SLC24A3: variants seen among roughly 807,000 people sequenced by gnomAD.
SLC24A3 encodes solute carrier family 24 member 3.
SLC24A3 carries 28 observed loss-of-function variants against 75.8 expected under a neutral mutation model. That is an observed-to-expected ratio of 0.37 (90% confidence interval 0.27 to 0.51). SLC24A3 has a LOEUF of 0.51. SLC24A3 is among the 20% of genes least tolerant of loss of function. The pLI is 0.94. For missense variants in SLC24A3, 663 were observed against 847.8 expected (o/e 0.78, Z 2.71); for synonymous variants, 372 against 334.1 (o/e 1.11, Z -1.24).
At chr20:19,453,497 A>T (rs1238288401) in intron 2 of SLC24A3, among the ~76,000 whole-genome samples, 2 of 152,200 alleles carry the variant, frequency 1.3e-5, no homozygotes, top group African/African-American at 4.8e-5. Context: ...TAACCACCAG[A>T]GTCTCTTGGG....
chr20:19,212,683 CGAG>C lies in SLC24A3; in HGVS notation c.-151_-149del, dbSNP rs1013018940. The C allele has an allele frequency of 1.1e-5, 4 of 375,216 alleles. No homozygotes were observed. Among genetic ancestry groups the C allele is most frequent in the African/African-American group, 4.4e-5 (2 of 45,226 alleles). 23.2% of individuals were successfully genotyped at this position (375,216 alleles called of 1,614,324 possible). A position where few individuals can be genotyped will look rare whatever the true frequency, so the allele number is the denominator to read the frequency against. On this transcript the variant is annotated 5_prime_UTR_variant, in exon 1 of 17. Coordinates refer to ENST00000328041, the MANE Select transcript of SLC24A3 (RefSeq NM_020689.4). ...GCGACGACGAGGAGACGGGCAGCGG[CGAG>C]GAGGAGGAAGAGGAGGCGGAGGCGG...
intron 15 of SLC24A3, among the ~76,000 whole-genome samples, chr20:19,699,913 A>G (rs964674832): frequency 2.0e-5 from 3 of 152,194 alleles, no homozygotes; most frequent in African/African-American, 7.2e-5. Flanking sequence ...CATAGATACC[A>G]GGTAGACATT....
At chr20:19,384,860 G>A (rs1986245612) in intron 2 of SLC24A3, among the ~76,000 whole-genome samples, 1 of 152,014 alleles carries the variant, frequency 6.6e-6, no homozygotes, top group Non-Finnish European at 1.5e-5. Flanking sequence ...TTGTCTTTTT[G>A]TGAATAATCA....
intron 1 of SLC24A3, among the ~76,000 whole-genome samples, chr20:19,257,313 G>C (rs1359678632): frequency 6.6e-6 from 1 of 152,210 alleles, no homozygotes; most frequent in Non-Finnish European, 1.5e-5. Flanking sequence ...AGCCTGAACA[G>C]CGGTTTCCTT....
chr20:19,540,546 C>T lies in SLC24A3; in HGVS notation c.348+24982C>T, dbSNP rs143998743. Reference sequence around the variant, plus strand: ...GGCTCGCAGAGGCCAGTAACACCCACTCCCCTGCATCATAAGTTCCAAACA... The same window carrying T: ...GGCTCGCAGAGGCCAGTAACACCCATTCCCCTGCATCATAAGTTCCAAACA... On this transcript the variant is annotated intron_variant, in intron 3 of 16. Transcript: ENST00000328041. Among the ~76,000 whole-genome samples the T allele has an allele frequency of 3.9e-3, 595 of 152,344 alleles. 8 individuals are homozygous for T. The highest frequency in any genetic ancestry group is 0.019 in the South Asian group (91 of 4,824).
chr20:19,444,665 T>C (rs1987350700), intron 2 of SLC24A3, among the ~76,000 whole-genome samples: 1 of 152,198 alleles, frequency 6.6e-6, no homozygotes, highest in South Asian at 2.1e-4. Context: ...TAAGTAGTGA[T>C]GGTCCCACTT....
At chr20:19,459,461 C>A (rs111811499) in intron 2 of SLC24A3, among the ~76,000 whole-genome samples, 2,487 of 152,214 alleles carry the variant, frequency 0.016, 69 homozygotes, top group East Asian at 0.1. Flanking sequence ...GTGGAAGGAA[C>A]AGGAACTTGG....
At chr20:19,284,492 A>G (rs1235200313) in intron 2 of SLC24A3, 1 of 152,656 alleles carries the variant, frequency 6.6e-6, no homozygotes, top group Non-Finnish European at 1.5e-5. Context: ...TGATGATGTC[A>G]GCGGCAGCAG....
At chr20:19,488,026 A>G (rs1277146052) in intron 2 of SLC24A3, among the ~76,000 whole-genome samples, 1 of 152,224 alleles carries the variant, frequency 6.6e-6, no homozygotes, top group Non-Finnish European at 1.5e-5. Context: ...TGTTGATGTT[A>G]CCACATCCCA....
chr20:19,717,190 C>T (rs560414151), intron 15 of SLC24A3, among the ~76,000 whole-genome samples: 18 of 152,302 alleles, frequency 1.2e-4, no homozygotes, highest in Admixed American at 9.2e-4. Flanking sequence ...TAAAGGAACA[C>T]GTGGACAGGG....
chr20:19,538,951 C>T (rs2122585068), intron 3 of SLC24A3, among the ~76,000 whole-genome samples: 1 of 152,316 alleles, frequency 6.6e-6, no homozygotes, highest in Admixed American at 6.5e-5. Context: ...TCCACAACTG[C>T]ATACAACAAC....
chr20:19,707,822 C>T (rs751412833), intron 15 of SLC24A3, among the ~76,000 whole-genome samples: 1 of 152,074 alleles, frequency 6.6e-6, no homozygotes, highest in Non-Finnish European at 1.5e-5. Context: ...CCATTTAGGA[C>T]AAATAAAGTT....
chr20:19,619,254 T>C (rs943237315), intron 6 of SLC24A3, among the ~76,000 whole-genome samples: 1 of 152,124 alleles, frequency 6.6e-6, no homozygotes, highest in African/African-American at 2.4e-5. Flanking sequence ...CTCTCTCTTT[T>C]TCTTGGGACA....
intron 4 of SLC24A3, among the ~76,000 whole-genome samples, chr20:19,584,022 G>A (rs1055758106): frequency 6.6e-6 from 1 of 152,216 alleles, no homozygotes; most frequent in African/African-American, 2.4e-5. Context: ...TGCAGCTGTA[G>A]GTGCCACTGG....
intron 2 of SLC24A3, among the ~76,000 whole-genome samples, chr20:19,355,356 A>G (rs7274742): frequency 0.11 from 17,199 of 152,238 alleles, 2,606 homozygotes; most frequent in African/African-American, 0.35. Context: ...AAAAAATGAG[A>G]CAGAAAGAAG....
At chr20:19,609,737 A>T (rs558459103) in intron 6 of SLC24A3, among the ~76,000 whole-genome samples, 1 of 152,346 alleles carries the variant, frequency 6.6e-6, no homozygotes, top group South Asian at 2.1e-4. Flanking sequence ...CATTTCAGGT[A>T]GTTTACCTGA....
In SLC24A3 at chr20:19,680,337, T is replaced by A. The variant is rs374218923; in HGVS notation, c.768-1521T>A. Among the ~76,000 whole-genome samples, 8 of 152,312 alleles carry A rather than the reference T, an allele frequency of 5.3e-5. No homozygotes were observed. The East Asian group carries it at 1.5e-3, about 29-fold the overall frequency. ...CCTTGGCCTATGTGTTTCCTATATG[T>A]CTGTAATTGATCTGATTCAGGCTAG... is the stretch of plus-strand genomic sequence containing the variant. On this transcript the variant is annotated intron_variant, in intron 9 of 16. Transcript: ENST00000328041.
intron 3 of SLC24A3, among the ~76,000 whole-genome samples, chr20:19,528,114 G>A (rs748050173): frequency 6.6e-6 from 1 of 151,944 alleles, no homozygotes; most frequent in Non-Finnish European, 1.5e-5. Context: ...ATCCTTTTTT[G>A]TCCTCTTTAA....
intron 2 of SLC24A3, among the ~76,000 whole-genome samples, chr20:19,325,640 A>C (rs1984820972): frequency 6.6e-6 from 1 of 151,256 alleles, no homozygotes; most frequent in Admixed American, 6.6e-5. Context: ...CCTTGTCTGA[A>C]GTACTTCAGA....
Sources: allele counts gnomAD v4.1 joint callset (sites outside exome capture counted in the v4.1 genomes callset), GRCh38; gene constraint gnomAD v4.1.1; transcripts MANE v1.5; gene names NCBI Gene and HGNC (gene_info 2026-07-23, HGNC 2026-07-21).